CIB4: variants seen among roughly 807,000 people sequenced by gnomAD.
CIB4 encodes calcium and integrin-binding family member 4.
In CIB4, 25 loss-of-function variants were observed where a neutral mutation model predicts 25.8. That is an observed-to-expected ratio of 0.97 (90% CI 0.71 to 1.35). CIB4 has a LOEUF of 1.35. Ranked by LOEUF, CIB4 falls within the 40% of genes most tolerant of loss-of-function variation. CIB4 has a pLI of 0.00. For missense variants in CIB4, 235 were observed against 228.2 expected, an observed-to-expected ratio of 1.03 and a Z score of -0.19; for synonymous variants, 75 against 81.4, an observed-to-expected ratio of 0.92 and a Z score of 0.42.
chr2:26,595,297 A>G lies in CIB4; in HGVS notation c.207T>C (p.Arg69=), dbSNP rs912085189. 4.3e-6 allele frequency: 7 copies of G among 1,613,860 alleles called. No individual in the cohort carries two copies. In the African/African-American group the frequency reaches 5.3e-5, roughly 12 times the overall value. The change falls in exon 4 of 7, where the codon CGT becomes CGC. Residue 69 remains arginine, a synonymous_variant. Transcript: ENST00000288861. The part of the protein sequence containing the change: ...PALRVNPFRD[R]ICRVFSHKGM... ...CTTTGTGGGAGAACACTCTGCAGATACGGTCTCTGAAAGGGTTGACCTGTG... is the reference window on the plus strand; with the variant it reads ...CTTTGTGGGAGAACACTCTGCAGATGCGGTCTCTGAAAGGGTTGACCTGTG...
At chr2:26,635,412 C>G (rs2148227825) in intron 2 of CIB4, among the ~76,000 whole-genome samples, 1 of 152,344 alleles carries the variant, frequency 6.6e-6, no homozygotes, top group Non-Finnish European at 1.5e-5. Flanking sequence ...GAGCCAGCCT[C>G]CCTGCAAAGG....
intron 2 of CIB4, among the ~76,000 whole-genome samples, chr2:26,636,552 C>G (rs1669535682): frequency 6.6e-6 from 1 of 152,182 alleles, no homozygotes; most frequent in African/African-American, 2.4e-5. Context: ...CTTCCCTTCA[C>G]TATCTTCCTT....
chr2:26,589,102 T>C (rs373808657), intron 4 of CIB4, among the ~76,000 whole-genome samples: 2,105 of 69,766 alleles, frequency 0.03, 306 homozygotes, highest in Admixed American at 0.067. Flanking sequence ...CTTCTTCTTC[T>C]TCTTCCTCTT....
chr2:26,632,240 G>A lies in CIB4; in HGVS notation c.90-2734C>T, dbSNP rs536834387. Among the ~76,000 whole-genome samples the A allele has an allele frequency of 3.3e-5, 5 of 152,310 alleles. No homozygotes were observed. The East Asian group carries it at 9.6e-4, about 29-fold the overall frequency. ...ACAGATGGGAGCTGGAGTGGCGTGT[G>A]GTGTTCATGGAGAGCACCATGACTG... On this transcript the variant is annotated intron_variant, in intron 2 of 6. Coordinates refer to ENST00000288861, the MANE Select transcript of CIB4 (RefSeq NM_001029881.3).
At chr2:26,629,385 G>T in intron 3 of CIB4, 25 bp downstream of exon 3, 9 of 1,389,726 alleles carry the variant, frequency 6.5e-6, no homozygotes, top group African/African-American at 1.4e-5. Context: ...TGCTGCCCTT[G>T]CCCCACCCAC....
chr2:26,629,865 G>A (rs1231321625), intron 2 of CIB4, among the ~76,000 whole-genome samples: 3 of 152,110 alleles, frequency 2.0e-5, no homozygotes, highest in Admixed American at 6.5e-5. Context: ...CCAGTCCCTC[G>A]GTTACGGATG....
chr2:26,598,270 A>T (rs537278666), intron 3 of CIB4, among the ~76,000 whole-genome samples: 1 of 152,026 alleles, frequency 6.6e-6, no homozygotes, highest in Non-Finnish European at 1.5e-5. Flanking sequence ...AGTGCACTCC[A>T]GCCTGGGTGA....
At chr2:26,628,723 G>A (rs535020714) in intron 3 of CIB4, among the ~76,000 whole-genome samples, 3 of 152,288 alleles carry the variant, frequency 2.0e-5, no homozygotes, top group East Asian at 3.9e-4. Context: ...TCTGGGCCCC[G>A]AGCCCTGCTC....
chr2:26,600,448 G>A (rs1668761333), intron 3 of CIB4, among the ~76,000 whole-genome samples: 1 of 152,138 alleles, frequency 6.6e-6, no homozygotes, highest in Non-Finnish European at 1.5e-5. Context: ...AAAATGATAT[G>A]ATTAATGTTT....
chr2:26,584,569 G>A (rs75073025), intron 4 of CIB4, among the ~76,000 whole-genome samples: 1 of 152,354 alleles, frequency 6.6e-6, no homozygotes, highest in Non-Finnish European at 1.5e-5. Flanking sequence ...GGGACAAGAG[G>A]CAATATTCCC....
intron 3 of CIB4, among the ~76,000 whole-genome samples, chr2:26,607,484 A>G (rs1208568687): frequency 6.6e-6 from 1 of 152,194 alleles, no homozygotes; most frequent in Non-Finnish European, 1.5e-5. Flanking sequence ...CAACTCTACA[A>G]TATCTTATAA....
intron 3 of CIB4, among the ~76,000 whole-genome samples, chr2:26,611,973 G>C (rs1669002877): frequency 6.6e-6 from 1 of 152,142 alleles, no homozygotes; most frequent in African/African-American, 2.4e-5. Flanking sequence ...AGGGTCGTTG[G>C]ATGCTAAGGA....
At position 26,595,453 on chromosome 2, in the gene CIB4, A is replaced by G. The variant is rs1007332148; in HGVS notation, c.187-136T>C. 1.2e-5 allele frequency: 12 copies of G among 1,001,504 alleles called. No homozygotes were observed. The East Asian group carries it at 3.2e-4, about 26-fold the overall frequency. The allele number at this position is 1,001,504 out of a possible 1,614,324, so 62.0% of individuals were successfully genotyped here. A position where few individuals can be genotyped will look rare whatever the true frequency, so the allele number is the denominator to read the frequency against. ...ACAGCCACAATGTAAATATCGGAGT[A>G]GATGGTGGCTCACTGAGCCAGGACC... On this transcript the variant is annotated intron_variant, in intron 3 of 6. Transcript: ENST00000288861.
chr2:26,581,702 C>A (rs1668347483), intron 6 of CIB4, among the ~76,000 whole-genome samples: 1 of 152,234 alleles, frequency 6.6e-6, no homozygotes. Context: ...ATGTGCTGGG[C>A]TGTGACAGAA....
At chr2:26,605,136 CTCAAAG>C (rs898103368) in intron 3 of CIB4, among the ~76,000 whole-genome samples, 6 of 151,864 alleles carry the variant, frequency 4.0e-5, no homozygotes, top group South Asian at 2.1e-4. Context: ...CTTGAAAACC[CTCAAAG>C]TCAAAGAAAT....
intron 3 of CIB4, among the ~76,000 whole-genome samples, chr2:26,602,661 T>C (rs1286270813): frequency 6.6e-6 from 1 of 152,156 alleles, no homozygotes; most frequent in Non-Finnish European, 1.5e-5. Context: ...CCAAATAACT[T>C]TACAGTGGAG....
intron 3 of CIB4, among the ~76,000 whole-genome samples, chr2:26,623,238 G>A (rs1409234023): frequency 6.6e-6 from 1 of 151,932 alleles, no homozygotes; most frequent in East Asian, 1.9e-4. Context: ...AGCTACTCGG[G>A]AGGCTGAGGC....
At chr2:26,602,565 T>A (rs1033755089) in intron 3 of CIB4, among the ~76,000 whole-genome samples, 2 of 152,224 alleles carry the variant, frequency 1.3e-5, no homozygotes, top group Admixed American at 6.5e-5. Flanking sequence ...TTTTACTACA[T>A]GTACAGATGG....
At chr2:26,641,190 T>A in intron 1 of CIB4, 71 bp downstream of exon 1, 6 of 1,328,592 alleles carry the variant, frequency 4.5e-6, no homozygotes, top group Non-Finnish European at 6.5e-6. Context: ...CAGGAAGGAA[T>A]TTTCCCATTC....
Sources: gnomAD v4.1 joint callset for allele counts (sites outside exome capture counted in the v4.1 genomes callset) on GRCh38, gnomAD v4.1.1 for gene constraint, MANE v1.5 for transcripts, NCBI Gene and HGNC (gene_info 2026-07-23, HGNC 2026-07-21) for gene names.